The following ME3 variants were observed in gnomAD, a reference collection of about 807,000 sequenced individuals.
The protein encoded by ME3 is NADP-dependent malic enzyme, mitochondrial.
ME3 carries 48 observed loss-of-function variants against 68.9 expected under a neutral mutation model. That is an observed-to-expected ratio of 0.70 (90% CI 0.55 to 0.89). ME3 has a LOEUF of 0.89. Among genes scored for constraint, ME3 ranks in the 40% least tolerant of loss-of-function variants. The pLI, the probability that ME3 is intolerant of heterozygous loss-of-function variation, is 0.00. For synonymous variants in ME3, 320 were observed against 318.8 expected (o/e 1.00, Z -0.04); for missense variants, 675 against 797.4 (o/e 0.85, Z 1.85).
intron 11 of ME3, among the ~76,000 whole-genome samples, chr11:86,447,457 C>A (rs1238056986): frequency 6.6e-6 from 1 of 152,210 alleles, no homozygotes; most frequent in African/African-American, 2.4e-5. Context: ...CCTGTGAAGG[C>A]ATTCCTGGGC....
chr11:86,656,760 T>A (rs1195844788), intron 2 of ME3, among the ~76,000 whole-genome samples: 1 of 151,428 alleles, frequency 6.6e-6, no homozygotes, highest in Non-Finnish European at 1.5e-5. Flanking sequence ...ATAAAAAAAA[T>A]TTACAAGAGA....
chr11:86,509,912 T>A (rs1428432069), intron 4 of ME3, among the ~76,000 whole-genome samples: 1 of 152,028 alleles, frequency 6.6e-6, no homozygotes, highest in African/African-American at 2.4e-5. Context: ...TAAAAGAGAA[T>A]CCAGAGTCCA....
At chr11:86,590,262 A>G (rs111474015) in intron 2 of ME3, among the ~76,000 whole-genome samples, 1,653 of 152,262 alleles carry the variant, frequency 0.011, 27 homozygotes, top group African/African-American at 0.032. Context: ...AGCATCTACT[A>G]TGTGGGGCTA....
chr11:86,453,956 T>C (rs1317892335), intron 8 of ME3, among the ~76,000 whole-genome samples: 1 of 152,244 alleles, frequency 6.6e-6, no homozygotes, highest in East Asian at 1.9e-4. Flanking sequence ...TTGAATTCTT[T>C]AATAGACAAT....
intron 2 of ME3, among the ~76,000 whole-genome samples, chr11:86,658,699 C>G (rs922474496): frequency 6.6e-6 from 1 of 151,970 alleles, no homozygotes; most frequent in Admixed American, 6.6e-5. Context: ...CTTGGCAGGC[C>G]CTCGCTCCTG....
chr11:86,533,020 C>T (rs1955375219), intron 4 of ME3, among the ~76,000 whole-genome samples: 1 of 151,846 alleles, frequency 6.6e-6, no homozygotes, highest in African/African-American at 2.4e-5. Flanking sequence ...TCATTGCACT[C>T]CAGCCTGGGT....
intron 8 of ME3, chr11:86,464,047 A>C (rs1322896054): frequency 6.9e-6 from 3 of 433,610 alleles, no homozygotes. Flanking sequence ...TTATTACCTG[A>C]GTTTGAGTTC....
chr11:86,660,661 T>A (rs531621646), intron 2 of ME3, among the ~76,000 whole-genome samples: 1 of 152,138 alleles, frequency 6.6e-6, no homozygotes, highest in East Asian at 1.9e-4. Flanking sequence ...TCACACAAAA[T>A]TGATTCTAGC....
rs112900883 is a variant in ME3, at chr11:86,498,996, T to C, written c.544-872A>G. Among the ~76,000 whole-genome samples the C allele has an allele frequency of 5.8e-3, 876 of 152,218 alleles. 9 individuals carry two copies. The highest frequency in any genetic ancestry group is 0.02 in the African/African-American group (811 of 41,518). ...AGGAGAGATGGAATGTATATATTAA[T>C]AATCATGATTCTGGGAGGGAAGCTG... On this transcript the variant is annotated intron_variant, in intron 5 of 14. Transcript: ENST00000543262.
At chr11:86,437,767 G>A (rs140828290), downstream of ME3, among the ~76,000 whole-genome samples, 1,529 of 152,152 alleles carry the variant, frequency 0.01, 11 homozygotes, top group Middle Eastern at 0.024. Context: ...TTTGCTGCCA[G>A]CATATAGAAA....
chr11:86,498,355 CT>C (rs1477813715), intron 5 of ME3, among the ~76,000 whole-genome samples: 2 of 152,204 alleles, frequency 1.3e-5, no homozygotes, highest in Non-Finnish European at 2.9e-5. Context: ...AGATGCCTGC[CT>C]TGCATTCTGA....
Position 86,664,315 on chromosome 11 carries a change from A to G in ME3, c.183+7447T>C, listed in dbSNP as rs193062737. Reference sequence around the variant, plus strand: ...TTAATATTTATATCTTTTTACAATAACATTCATGAGTATACAGTCTACTTA... The same window carrying G: ...TTAATATTTATATCTTTTTACAATAGCATTCATGAGTATACAGTCTACTTA... On this transcript the variant is annotated intron_variant, in intron 2 of 14. Transcript: ENST00000543262. Among the ~76,000 whole-genome samples the G allele has an allele frequency of 9.8e-5, 15 of 152,376 alleles. No individual in the cohort carries two copies. In the East Asian group the frequency reaches 2.9e-3, roughly 29 times the overall value.
chr11:86,617,067 T>TTG (rs1943025751), intron 2 of ME3, among the ~76,000 whole-genome samples: 1 of 141,128 alleles, frequency 7.1e-6, no homozygotes, highest in Admixed American at 7.3e-5. Flanking sequence ...TTTTTTTTTT[T>TTG]TTTTTTTTTT....
chr11:86,604,866 T>C (rs1961384230), intron 2 of ME3, among the ~76,000 whole-genome samples: 1 of 152,204 alleles, frequency 6.6e-6, no homozygotes, highest in Non-Finnish European at 1.5e-5. Flanking sequence ...TGTTTTAATT[T>C]AAAATTAACC....
chr11:86,671,904 C>A, exon 2 of ME3: 1 of 1,458,186 alleles, frequency 6.9e-7, no homozygotes, highest in Non-Finnish European at 9.0e-7. Context: ...CCGGCCCGGC[C>A]AGGGAGCCAG....
chr11:86,610,470 A>G (rs1942480728), intron 2 of ME3, among the ~76,000 whole-genome samples: 2 of 152,170 alleles, frequency 1.3e-5, no homozygotes, highest in African/African-American at 4.8e-5. Flanking sequence ...AAATTTAGCA[A>G]ATGTGGAAAT....
chr11:86,560,702 ATATGTGTGTGTGTGTGTGTGTG>A (rs1442996944), intron 2 of ME3, among the ~76,000 whole-genome samples: 62 of 54,528 alleles, frequency 1.1e-3, no homozygotes, highest in African/African-American at 3.2e-3. Flanking sequence ...GTATATAATG[ATATGTGTGTGTGTGTGTGTGTG>A]TATGTGTGTG....
intron 2 of ME3, among the ~76,000 whole-genome samples, chr11:86,630,218 G>A (rs551203728): frequency 4.0e-4 from 61 of 152,286 alleles, no homozygotes; most frequent in Non-Finnish European, 6.6e-4. Flanking sequence ...AAAGGTTTGA[G>A]TTACCTCTGT....
chr11:86,632,696 CAG>C (rs1299024790), intron 2 of ME3, among the ~76,000 whole-genome samples: 2 of 152,152 alleles, frequency 1.3e-5, no homozygotes, highest in African/African-American at 2.4e-5. Context: ...AAGGAGGGGA[CAG>C]AGGAGGCCAC....
Sources: allele counts gnomAD v4.1 joint callset (sites outside exome capture counted in the v4.1 genomes callset), GRCh38; gene constraint gnomAD v4.1.1; transcripts MANE v1.5; gene names NCBI Gene and HGNC (gene_info 2026-07-23, HGNC 2026-07-21).